The following ASIC4 variants were observed in gnomAD, a reference collection of about 807,000 sequenced individuals.
The protein encoded by ASIC4 is acid-sensing ion channel 4.
A neutral mutation model predicts 53.4 loss-of-function variants in ASIC4; 28 were observed. The observed-to-expected ratio is 0.52, with a 90% CI of 0.39 to 0.72. The LOEUF is 0.72. Ranked by LOEUF, ASIC4 falls within the 30% of genes least tolerant of loss-of-function variation. ASIC4 has a pLI of 0.00. For missense variants in ASIC4, 649 were observed against 729.7 expected (o/e 0.89, Z 1.27); for synonymous variants, 289 against 301.4 (o/e 0.96, Z 0.43).
At chr2:219,532,566 A>C in intron 4 of ASIC4, 89 bp downstream of exon 4, 3 of 1,480,776 alleles carry the variant, frequency 2.0e-6, no homozygotes, top group Non-Finnish European at 2.7e-6. Context: ...GTGCACAGGC[A>C]GGTGCATGTA....
chr2:219,527,415 CA>C (rs1168611456), intron 1 of ASIC4, among the ~76,000 whole-genome samples: 1 of 152,226 alleles, frequency 6.6e-6, no homozygotes, highest in Admixed American at 6.5e-5. Flanking sequence ...AAGGAACCAC[CA>C]CCCTCGCCAG....
rs779698413 is a variant in ASIC4, at chr2:219,515,212, T to C, written c.488T>C (p.Val163Ala). ...AGLRYPEPDM[V>A]DILNRTGHQL... Reference sequence around the variant, plus strand: ...CTGCGCTACCCAGAGCCTGACATGGTAGACATCCTCAACCGCACTGGCCAC... The same window carrying C: ...CTGCGCTACCCAGAGCCTGACATGGCAGACATCCTCAACCGCACTGGCCAC... Residue 163 changes from valine to alanine, a missense_variant, in exon 1 of 10, where the codon GTA becomes GCA. By Grantham distance (64) the Val-to-Ala change is moderately conservative (BLOSUM62 0). Coordinates refer to ENST00000358078, the MANE Select transcript of ASIC4 (RefSeq NM_018674.6). 1 of 1,614,200 alleles carries C rather than the reference T, an allele frequency of 6.2e-7. No homozygotes were observed. Among genetic ancestry groups the C allele is most frequent in the Non-Finnish European group, 8.5e-7 (1 of 1,180,028 alleles).
Position 219,537,924 on chromosome 2 carries a change from C to T in ASIC4, c.1507-9C>T, listed in dbSNP as rs113896414. ...CCCGGTCCCACTCTCTCTTTTCTTTCTCCTGCAGAGTCCCTGCCCGAGCCG... is the reference window on the plus strand; with the variant it reads ...CCCGGTCCCACTCTCTCTTTTCTTTTTCCTGCAGAGTCCCTGCCCGAGCCG... On this transcript the variant is annotated splice_polypyrimidine_tract_variant and intron_variant, in intron 9 of 9. Transcript: ENST00000358078. The surrounding 1 kb of genome is among the most constrained non-coding windows in gnomAD (Gnocchi z 4.9). The T allele has an allele frequency of 2.1e-4, 338 of 1,594,882 alleles. No individual in the cohort carries two copies. The highest frequency in any genetic ancestry group is 6.8e-4 in the Middle Eastern group (4 of 5,876).
chr2:219,535,642 T>TGTGTGC (rs1341526436), intron 6 of ASIC4, among the ~76,000 whole-genome samples: 3 of 151,604 alleles, frequency 2.0e-5, no homozygotes, highest in African/African-American at 7.3e-5. Flanking sequence ...TGTGTGGGTC[T>TGTGTGC]GTGTGCGTGT....
In ASIC4 at chr2:219,532,184, A is replaced by G. The variant is rs765130281; in HGVS notation, c.855+56A>G. On this transcript the variant is annotated intron_variant, in intron 3 of 9. Coordinates refer to ENST00000358078, the MANE Select transcript of ASIC4 (RefSeq NM_018674.6). ...GCACAGGGCTCGCCTTTGGGCTCAG[A>G]GGGGATGTGGAGCAAACCTGCCCTC... The G allele has an allele frequency of 4.2e-5, 67 of 1,608,934 alleles. No homozygotes were observed. In the African/African-American group the frequency reaches 8.0e-4, roughly 19 times the overall value.
intron 1 of ASIC4, among the ~76,000 whole-genome samples, chr2:219,528,742 G>C (rs999671396): frequency 2.6e-5 from 4 of 152,082 alleles, no homozygotes; most frequent in Admixed American, 1.3e-4. Flanking sequence ...GTTTCACCAT[G>C]TTGGTCAGGC....
At position 219,515,102 on chromosome 2, in the gene ASIC4, G is replaced by T. The variant is rs764640541; in HGVS notation, c.378G>T (p.Ser126=). Residue 126 remains serine, a synonymous_variant, in exon 1 of 10, where the codon TCG becomes TCT. Coordinates refer to ENST00000358078, the MANE Select transcript of ASIC4 (RefSeq NM_018674.6). Reference sequence around the variant, plus strand: ...GCAATATCAACCGCTTCCGGCATTCGGCACTCAGCGATGCCGACATCTTCC... The same window carrying T: ...GCAATATCAACCGCTTCCGGCATTCTGCACTCAGCGATGCCGACATCTTCC... ...TLCNINRFRH[S]ALSDADIFHL... The T allele has an allele frequency of 6.2e-7, 1 of 1,613,934 alleles. No homozygotes were observed. Among genetic ancestry groups the T allele is most frequent in the Non-Finnish European group, 8.5e-7 (1 of 1,180,030 alleles).
intron 1 of ASIC4, among the ~76,000 whole-genome samples, chr2:219,526,204 G>A (rs1030858577): frequency 3.3e-5 from 5 of 152,182 alleles, no homozygotes; most frequent in Admixed American, 1.3e-4. Context: ...GCTGAGAGAA[G>A]CCACTGCTCT....
At chr2:219,514,275 GC>G, upstream of ASIC4, 1 of 1,464,854 alleles carries the variant, frequency 6.8e-7, no homozygotes, top group Non-Finnish European at 9.0e-7. Flanking sequence ...GGCTCCTGAC[GC>G]CCGTGCTGCC....
In ASIC4 at chr2:219,538,311, G is replaced by C. The variant is rs1401427738; in HGVS notation, c.*265G>C. On this transcript the variant is annotated 3_prime_UTR_variant, in exon 10 of 10. Coordinates refer to ENST00000358078, the MANE Select transcript of ASIC4 (RefSeq NM_018674.6). ...ACGGAGAGGAAGGGAAGGAAGGAGA[G>C]GGAGGGGGAGGATAGAGCCCATCCC... 2.1e-6 allele frequency: 1 copy of C among 486,298 alleles called. No homozygotes were observed. Among genetic ancestry groups the C allele is most frequent in the African/African-American group, 2.0e-5 (1 of 49,712 alleles). 30.1% of individuals were successfully genotyped at this position (486,298 alleles called of 1,614,324 possible).
chr2:219,514,649 C>T lies in ASIC4; in HGVS notation c.-76C>T, dbSNP rs150117126. The T allele has an allele frequency of 6.2e-6, 10 of 1,612,468 alleles. No individual in the cohort carries two copies. The highest frequency in any genetic ancestry group is 3.3e-5 in the Admixed American group (2 of 59,814). ...AGCAGCCGCTGCCACCACTGCCACTCGGGAGGGCACCAGGGCTGCTGGCTA... is the reference window on the plus strand; with the variant it reads ...AGCAGCCGCTGCCACCACTGCCACTTGGGAGGGCACCAGGGCTGCTGGCTA... On this transcript the variant is annotated 5_prime_UTR_variant, in exon 1 of 10. Coordinates refer to ENST00000358078, the MANE Select transcript of ASIC4 (RefSeq NM_018674.6).
rs770421455 is a variant in ASIC4, at chr2:219,537,698, G to A, written c.1468G>A (p.Gly490Ser). 1.2e-6 allele frequency: 2 copies of A among 1,614,066 alleles called. No homozygotes were observed. Among genetic ancestry groups the A allele is most frequent in the South Asian group, 2.2e-5 (2 of 91,066 alleles). ...PKTPLRTSTG[G>S]ISTLGLQELK... The stretch of plus-strand genomic sequence containing the variant: ...GACCCCCCTGCGGACCTCCACTGGG[G>A]GCATCTCCACTTTGGGGCTTCAGGA... Residue 490 changes from glycine to serine, a missense_variant, in exon 9 of 10, where the codon GGC becomes AGC. Gly to Ser is a moderately conservative substitution (Grantham distance 56). Coordinates refer to ENST00000358078, the MANE Select transcript of ASIC4 (RefSeq NM_018674.6). This position sits in a 1 kb window ranked among gnomAD's most constrained non-coding sequence, Gnocchi z 4.9.
chr2:219,530,002 C>T (rs780981564), intron 1 of ASIC4, among the ~76,000 whole-genome samples: 25 of 152,144 alleles, frequency 1.6e-4, no homozygotes, highest in Non-Finnish European at 3.1e-4. Context: ...CACCCAGCCT[C>T]TCTCCCTTCT....
upstream of ASIC4, chr2:219,514,405 CTCG>C: frequency 6.5e-7 from 1 of 1,548,458 alleles, no homozygotes; most frequent in Non-Finnish European, 8.7e-7. Context: ...CCCTCGCTCA[CTCG>C]CTCGCTCGCA....
At position 219,538,550 on chromosome 2, in the gene ASIC4, C is replaced by A. The variant is rs1695188548; in HGVS notation, c.*504C>A. ...TTCCTGCCCCTCTCCAGGCCCAGCT[C>A]CCCTCTTGGCAGGGGGAGAGGATGG... is the stretch of plus-strand genomic sequence containing the variant. On this transcript the variant is annotated 3_prime_UTR_variant, in exon 10 of 10. Transcript: ENST00000358078. The A allele has an allele frequency of 6.2e-6, 1 of 161,968 alleles. No individual in the cohort carries two copies. The highest frequency in any genetic ancestry group is 2.4e-5 in the African/African-American group (1 of 41,450). The allele number at this position is 161,968 out of a possible 1,614,324, so 10.0% of individuals were successfully genotyped here.
chr2:219,514,397 C>G (rs766898377), upstream of ASIC4: 115 of 1,548,286 alleles, frequency 7.4e-5, no homozygotes, highest in South Asian at 1.3e-3. Flanking sequence ...CGCTCGCTCC[C>G]TCGCTCACTC....
chr2:219,522,041 C>T (rs1694892455), intron 1 of ASIC4, among the ~76,000 whole-genome samples: 1 of 152,172 alleles, frequency 6.6e-6, no homozygotes, highest in South Asian at 2.1e-4. Flanking sequence ...GGGGTCTGCA[C>T]TTCTTCCCCT....
chr2:219,525,537 G>A (rs186750198), intron 1 of ASIC4, among the ~76,000 whole-genome samples: 2 of 152,322 alleles, frequency 1.3e-5, no homozygotes, highest in East Asian at 1.9e-4. Flanking sequence ...GAACCTTGCC[G>A]TCTCTAGGCT....
rs925879915 is a variant in ASIC4, at chr2:219,516,124, CCT to C, written c.582+824_582+825del. Among the ~76,000 whole-genome samples the C allele has an allele frequency of 6.6e-6, 1 of 152,054 alleles. No individual in the cohort carries two copies. Among genetic ancestry groups the C allele is most frequent in the African/African-American group, 2.4e-5 (1 of 41,374 alleles). ...GGGGGACACAGTTTCCTGCACACTC[CCT>C]CTCTCACTCACTGTCCCTGTCACTA... On this transcript the variant is annotated intron_variant, in intron 1 of 9. Coordinates refer to ENST00000358078, the MANE Select transcript of ASIC4 (RefSeq NM_018674.6). This position sits in a 1 kb window ranked among gnomAD's most constrained non-coding sequence, Gnocchi z 4.9.
Sources: gnomAD v4.1 joint callset for allele counts (sites outside exome capture counted in the v4.1 genomes callset) on GRCh38, gnomAD v4.1.1 for gene constraint, Gnocchi (gnomAD v3.1) non-coding constraint, MANE v1.5 for transcripts, NCBI Gene and HGNC (gene_info 2026-07-23, HGNC 2026-07-21) for gene names.